PTPRT: variants seen among roughly 807,000 people sequenced by gnomAD.
PTPRT encodes the protein protein tyrosine phosphatase receptor type T, also known as receptor-type tyrosine-protein phosphatase T.
PTPRT carries 56 observed loss-of-function variants against 176.8 expected under a neutral mutation model. The ratio of observed to expected loss-of-function variants is 0.32; its 90% confidence interval spans 0.26 to 0.40. The LOEUF (loss-of-function observed/expected upper bound fraction) is 0.40, where lower values mean the gene tolerates loss of function less well. PTPRT is among the 10% of genes least tolerant of loss of function. PTPRT has a pLI of 1.00. For synonymous variants in PTPRT, 783 were observed against 739.0 expected (o/e 1.06, Z -0.96); for missense variants, 1,540 against 1,908.2 (o/e 0.81, Z 3.60).
At chr20:42,460,177 C>T (rs1156925335) in intron 8 of PTPRT, among the ~76,000 whole-genome samples, 1 of 151,978 alleles carries the variant, frequency 6.6e-6, no homozygotes, top group African/African-American at 2.4e-5. Flanking sequence ...AGAGGCCTGG[C>T]CTGGAGGTAT....
chr20:42,216,978 G>T (rs2055786103), intron 15 of PTPRT, among the ~76,000 whole-genome samples: 1 of 152,116 alleles, frequency 6.6e-6, no homozygotes, highest in South Asian at 2.1e-4. Flanking sequence ...GAGACGCTAG[G>T]TTCTATATTT....
chr20:42,925,101 G>A (rs902005090), intron 1 of PTPRT, among the ~76,000 whole-genome samples: 6 of 152,172 alleles, frequency 3.9e-5, no homozygotes, highest in Admixed American at 6.5e-5. Flanking sequence ...AAGCATTCCC[G>A]GGTCTGTGAG....
chr20:42,208,655 T>C (rs1402612881), intron 15 of PTPRT, among the ~76,000 whole-genome samples: 1 of 151,658 alleles, frequency 6.6e-6, no homozygotes. Context: ...AAGTCCTGAG[T>C]GACCTACAAA....
chr20:42,729,489 C>T (rs888651515), intron 6 of PTPRT, among the ~76,000 whole-genome samples: 3 of 152,208 alleles, frequency 2.0e-5, no homozygotes, highest in Non-Finnish European at 2.9e-5. Context: ...TGTGGGATTC[C>T]GTCAGCTCTC....
chr20:42,174,461 ACCAGCATAAATAAAAC>A (rs377573290), intron 16 of PTPRT, among the ~76,000 whole-genome samples: 101 of 152,262 alleles, frequency 6.6e-4, no homozygotes, highest in African/African-American at 2.3e-3. Flanking sequence ...CAGAGCCACT[ACCAGCATAAATAAAAC>A]CCGGTATTGA....
intron 7 of PTPRT, among the ~76,000 whole-genome samples, chr20:42,654,105 G>A (rs1237505736): frequency 1.3e-5 from 2 of 152,084 alleles, no homozygotes; most frequent in African/African-American, 4.8e-5. Flanking sequence ...GAAAGGTAGT[G>A]ACAACACTCC....
At chr20:42,094,969 G>GGC (rs1985046125) in intron 27 of PTPRT, among the ~76,000 whole-genome samples, 4 of 152,306 alleles carry the variant, frequency 2.6e-5, no homozygotes, top group Admixed American at 2.0e-4. Context: ...GACCTCAAGT[G>GGC]ATCCTGCTTC....
intron 7 of PTPRT, among the ~76,000 whole-genome samples, chr20:42,525,911 C>A (rs1011426806): frequency 6.6e-6 from 1 of 152,074 alleles, no homozygotes; most frequent in African/African-American, 2.4e-5. Context: ...ATGTGAATGG[C>A]AATTTTGCTG....
intron 13 of PTPRT, among the ~76,000 whole-genome samples, chr20:42,249,997 C>G (rs1233511958): frequency 6.6e-6 from 1 of 152,178 alleles, no homozygotes; most frequent in Admixed American, 6.5e-5. Flanking sequence ...TCCTTCTTTT[C>G]TTCCACATCT....
chr20:42,832,883 T>C (rs1441227992), intron 2 of PTPRT, among the ~76,000 whole-genome samples: 3 of 150,080 alleles, frequency 2.0e-5, no homozygotes, highest in African/African-American at 7.4e-5. Context: ...GTGGGAGGAT[T>C]GTTTGAGCCG....
chr20:43,109,892 A>G (rs1314815668), intron 1 of PTPRT, among the ~76,000 whole-genome samples: 1 of 152,138 alleles, frequency 6.6e-6, no homozygotes, highest in Non-Finnish European at 1.5e-5. Flanking sequence ...GGACCAGTGT[A>G]ATAGAGTGGG....
At chr20:42,288,043 A>C (rs2147076609) in intron 12 of PTPRT, among the ~76,000 whole-genome samples, 1 of 152,100 alleles carries the variant, frequency 6.6e-6, no homozygotes, top group East Asian at 1.9e-4. Context: ...TAAGCATTTA[A>C]AAAATACATC....
intron 1 of PTPRT, among the ~76,000 whole-genome samples, chr20:43,152,552 G>A (rs1423305166): frequency 6.6e-6 from 1 of 152,116 alleles, no homozygotes; most frequent in African/African-American, 2.4e-5. Flanking sequence ...GCCCCAATCT[G>A]AGCAGCAAGG....
intron 14 of PTPRT, among the ~76,000 whole-genome samples, chr20:42,241,054 TA>T (rs1219137608): frequency 1.3e-5 from 2 of 152,198 alleles, no homozygotes; most frequent in Non-Finnish European, 2.9e-5. Context: ...TCAGAGAGGT[TA>T]AGGAACTTTC....
chr20:43,012,121 C>A (rs1479311095), intron 1 of PTPRT, among the ~76,000 whole-genome samples: 1 of 152,196 alleles, frequency 6.6e-6, no homozygotes, highest in Non-Finnish European at 1.5e-5. Flanking sequence ...TGGGACTTCA[C>A]CTTGTGACCA....
intron 13 of PTPRT, among the ~76,000 whole-genome samples, chr20:42,249,365 G>A (rs2056511257): frequency 6.6e-6 from 1 of 152,084 alleles, no homozygotes; most frequent in African/African-American, 2.4e-5. Flanking sequence ...AGTACACCTT[G>A]GGTTCAAAAA....
intron 1 of PTPRT, among the ~76,000 whole-genome samples, chr20:42,892,596 C>G (rs1046897913): frequency 6.6e-6 from 1 of 152,086 alleles, no homozygotes; most frequent in Non-Finnish European, 1.5e-5. Flanking sequence ...TTTTGATGAA[C>G]GTGGCTGGAG....
intron 7 of PTPRT, among the ~76,000 whole-genome samples, chr20:42,623,669 G>A (rs560176333): frequency 6.6e-6 from 1 of 152,082 alleles, no homozygotes; most frequent in South Asian, 2.1e-4. Context: ...CATCCCACCC[G>A]GCAGAAACTC....
At chr20:42,250,926 C>T (rs2056541209) in intron 13 of PTPRT, among the ~76,000 whole-genome samples, 1 of 152,192 alleles carries the variant, frequency 6.6e-6, no homozygotes, top group Admixed American at 6.5e-5. Flanking sequence ...TTCTCATCTA[C>T]AGCCCAGAGA....
Sources: gnomAD v4.1 joint callset for allele counts (sites outside exome capture counted in the v4.1 genomes callset) on GRCh38, gnomAD v4.1.1 for gene constraint, MANE v1.5 for transcripts, NCBI Gene and HGNC (gene_info 2026-07-23, HGNC 2026-07-21) for gene names.